PAQR5: variants seen among roughly 807,000 people sequenced by gnomAD.
The protein encoded by PAQR5 is progestin and adipoQ receptor family member 5, also known as membrane progestin receptor gamma.
A neutral mutation model predicts 34.5 loss-of-function variants in PAQR5; 20 were observed. That is an observed-to-expected ratio of 0.58 (90% CI 0.41 to 0.84). The LOEUF is 0.84. Among genes scored for constraint, PAQR5 ranks in the 40% least tolerant of loss-of-function variants. The pLI, the probability that PAQR5 is intolerant of heterozygous loss-of-function variation, is 0.00. For synonymous variants in PAQR5, 131 were observed against 155.6 expected, an observed-to-expected ratio of 0.84 and a Z score of 1.18; for missense variants, 378 against 412.7, an observed-to-expected ratio of 0.92 and a Z score of 0.73.
intron 5 of PAQR5, among the ~76,000 whole-genome samples, chr15:69,386,315 A>T (rs2056108888): frequency 6.6e-6 from 1 of 151,566 alleles, no homozygotes; most frequent in Non-Finnish European, 1.5e-5. Flanking sequence ...ACACACTCTC[A>T]CACACATACA....
At chr15:69,332,791 A>G (rs1195392491) in intron 1 of PAQR5, among the ~76,000 whole-genome samples, 2 of 149,230 alleles carry the variant, frequency 1.3e-5, no homozygotes, top group Non-Finnish European at 3.0e-5. Flanking sequence ...AAAAAAAAAA[A>G]AAAAAAAAAA....
chr15:69,377,844 A>G (rs1396855373), intron 3 of PAQR5, among the ~76,000 whole-genome samples: 1 of 152,214 alleles, frequency 6.6e-6, no homozygotes, highest in Non-Finnish European at 1.5e-5. Context: ...GAAATAGCAC[A>G]AGGCTGGGCA....
chr15:69,382,704 A>G (rs1595918851), intron 4 of PAQR5, among the ~76,000 whole-genome samples: 1 of 109,988 alleles, frequency 9.1e-6, no homozygotes, highest in African/African-American at 3.4e-5. Context: ...ATATATATAT[A>G]TGTATGTATG....
At chr15:69,311,735 G>A (rs2053838400) in intron 1 of PAQR5, among the ~76,000 whole-genome samples, 1 of 152,170 alleles carries the variant, frequency 6.6e-6, no homozygotes, top group African/African-American at 2.4e-5. Flanking sequence ...GAGGCCTCAC[G>A]CTCACTGACC....
intron 4 of PAQR5, 59 bp downstream of exon 4, chr15:69,380,069 T>C: frequency 6.3e-7 from 1 of 1,579,588 alleles, no homozygotes. Flanking sequence ...GACCAGGGTG[T>C]CTTAAAACAT....
chr15:69,357,051 C>G (rs1362871319), intron 2 of PAQR5, among the ~76,000 whole-genome samples: 1 of 151,848 alleles, frequency 6.6e-6, no homozygotes, highest in Non-Finnish European at 1.5e-5. Flanking sequence ...ATCTCCCCAC[C>G]CACTGTCTCT....
chr15:69,305,763 G>A (rs1196557545), intron 1 of PAQR5, among the ~76,000 whole-genome samples: 3 of 152,094 alleles, frequency 2.0e-5, no homozygotes, highest in Non-Finnish European at 4.4e-5. Flanking sequence ...GCACGCCTGC[G>A]CCGGCCTACC....
At chr15:69,378,231 C>T (rs2055764597) in intron 3 of PAQR5, among the ~76,000 whole-genome samples, 1 of 143,508 alleles carries the variant, frequency 7.0e-6, no homozygotes, top group South Asian at 2.2e-4. Context: ...CAACACTGCA[C>T]TCCAGCCTGG....
rs756977819 is a variant in PAQR5 at position 69,389,648 on chromosome 15, C to T, written c.386-6C>T. The T allele has an allele frequency of 6.2e-7, 1 of 1,613,966 alleles. No homozygotes were observed. ...TCCTCTCCCAAGGCTGGCTTTTCTTCCCCAGGCTCAGCCATTGCCTACTCT... is the reference window on the plus strand; with the variant it reads ...TCCTCTCCCAAGGCTGGCTTTTCTTTCCCAGGCTCAGCCATTGCCTACTCT... On this transcript the variant is annotated splice_region_variant and splice_polypyrimidine_tract_variant and intron_variant, in intron 5 of 8. Coordinates refer to ENST00000395407, the MANE Select transcript of PAQR5 (RefSeq NM_017705.4).
At chr15:69,381,857 T>C (rs1425193223) in intron 4 of PAQR5, among the ~76,000 whole-genome samples, 1 of 152,218 alleles carries the variant, frequency 6.6e-6, no homozygotes, top group Admixed American at 6.5e-5. Context: ...GCAATGTTCC[T>C]TCAGCTCCTG....
intron 1 of PAQR5, among the ~76,000 whole-genome samples, chr15:69,300,630 T>C (rs1209217298): frequency 2.0e-5 from 1 of 50,022 alleles, no homozygotes; most frequent in African/African-American, 6.1e-5. Flanking sequence ...TCTTTCTTTC[T>C]TTCTTTCTTT....
chr15:69,312,092 A>C (rs142851700), intron 1 of PAQR5, among the ~76,000 whole-genome samples: 1 of 152,242 alleles, frequency 6.6e-6, no homozygotes, highest in Non-Finnish European at 1.5e-5. Flanking sequence ...AGGCAAGAGC[A>C]AACTGCGGGG....
intron 1 of PAQR5, among the ~76,000 whole-genome samples, chr15:69,321,662 A>G (rs2054098876): frequency 6.6e-6 from 1 of 152,264 alleles, no homozygotes; most frequent in African/African-American, 2.4e-5. Context: ...CCAAACAGAT[A>G]TACAATTTTG....
At chr15:69,322,808 A>T (rs1566998168) in intron 1 of PAQR5, among the ~76,000 whole-genome samples, 3 of 131,442 alleles carry the variant, frequency 2.3e-5, no homozygotes, top group Admixed American at 1.6e-4. Flanking sequence ...AAGAAGAGGA[A>T]GAGGAAGAAG....
chr15:69,365,046 A>AATTTTATTTTATTTT (rs71803465), intron 3 of PAQR5, among the ~76,000 whole-genome samples: 16 of 131,956 alleles, frequency 1.2e-4, no homozygotes, highest in African/African-American at 4.4e-4. Flanking sequence ...TTCCCTTATG[A>AATTTTATTTTATTTT]ATTTTATTTT....
At chr15:69,331,034 C>G (rs2054367086) in intron 1 of PAQR5, among the ~76,000 whole-genome samples, 1 of 152,176 alleles carries the variant, frequency 6.6e-6, no homozygotes, top group Non-Finnish European at 1.5e-5. Flanking sequence ...GCACTGCCAA[C>G]CCAGTGTACA....
intron 6 of PAQR5, among the ~76,000 whole-genome samples, chr15:69,396,611 C>G (rs1595942916): frequency 6.6e-6 from 1 of 152,182 alleles, no homozygotes; most frequent in Non-Finnish European, 1.5e-5. Context: ...GTGGCCCAGC[C>G]AGGGCCCATG....
chr15:69,397,562 A>G lies in PAQR5; in HGVS notation c.607A>G (p.Arg203Gly), dbSNP rs1387301297. The change falls in exon 7 of 9, where the codon AGG becomes GGG. Residue 203 changes from arginine (R) to glycine (G), a missense_variant and splice_region_variant. Coordinates refer to ENST00000395407, the MANE Select transcript of PAQR5 (RefSeq NM_017705.4). ...CTGGGACTCCCTCCCCATCTTCTAC[A>G]GGGTAAGGACTGGCTGCATCTCCTC... ...YTWDSLPIFYRLFLFPGESAQ... is the reference protein window; with the variant it reads ...YTWDSLPIFYGLFLFPGESAQ... The G allele has an allele frequency of 6.3e-7, 1 of 1,596,198 alleles. No individual in the cohort carries two copies. The highest frequency in any genetic ancestry group is 1.3e-5 in the African/African-American group (1 of 74,508).
chr15:69,380,032 C>T (rs370238543), intron 4 of PAQR5, 22 bp downstream of exon 4: 55 of 1,612,696 alleles, frequency 3.4e-5, no homozygotes, highest in African/African-American at 2.5e-4. Flanking sequence ...CCCCCTCGAC[C>T]GGCCTGTCTC....
Sources: allele counts gnomAD v4.1 joint callset (sites outside exome capture counted in the v4.1 genomes callset), GRCh38; gene constraint gnomAD v4.1.1; transcripts MANE v1.5; gene names NCBI Gene and HGNC (gene_info 2026-07-23, HGNC 2026-07-21).